Variants in DNAH7 observed in about 807,000 individuals in gnomAD.
The protein encoded by DNAH7 is dynein axonemal heavy chain 7.
Under a neutral mutation model 444.6 loss-of-function variants are expected in DNAH7, and 397 were observed. The ratio of observed to expected loss-of-function variants is 0.89; its 90% CI spans 0.82 to 0.97. The LOEUF is 0.97. DNAH7 is among the 50% of genes least tolerant of loss of function. The pLI, the probability that DNAH7 is intolerant of heterozygous loss-of-function variation, is 0.00. For missense variants in DNAH7, 4,902 were observed against 4,800.8 expected, an observed-to-expected ratio of 1.02 and a Z score of -0.62; for synonymous variants, 1,636 against 1,624.4, an observed-to-expected ratio of 1.01 and a Z score of -0.17.
At chr2:195,834,759 C>A (rs1366193151) in intron 47 of DNAH7, among the ~76,000 whole-genome samples, 1 of 152,158 alleles carries the variant, frequency 6.6e-6, no homozygotes, top group Non-Finnish European at 1.5e-5. Context: ...TTGAGTAAGT[C>A]ACTTTGCTTC....
intron 24 of DNAH7, among the ~76,000 whole-genome samples, chr2:195,917,067 ACTC>A (rs1240694477): frequency 7.2e-6 from 1 of 138,870 alleles, no homozygotes; most frequent in Non-Finnish European, 1.5e-5. Flanking sequence ...GTGCCACGGC[ACTC>A]CAGCCTGGGC....
At chr2:195,745,613 G>A (rs557091305) in intron 63 of DNAH7, among the ~76,000 whole-genome samples, 15 of 152,316 alleles carry the variant, frequency 9.8e-5, no homozygotes, top group South Asian at 4.1e-4. Flanking sequence ...GACAAAGGTC[G>A]GGTTACCCAC....
intron 42 of DNAH7, among the ~76,000 whole-genome samples, chr2:195,860,628 T>C (rs1316824499): frequency 6.6e-6 from 1 of 152,096 alleles, no homozygotes; most frequent in Non-Finnish European, 1.5e-5. Flanking sequence ...CCAGGTAGCA[T>C]GCTGCCCAAT....
chr2:195,777,977 C>T lies in DNAH7; in HGVS notation c.10887G>A (p.Pro3629=), dbSNP rs780622799. Reference sequence around the variant, plus strand: ...CAGTCATGTACCGCAGAGCCTCATACGGCAGTTCCTAAAATAGTGCGTGTC... The same window carrying T: ...CAGTCATGTACCGCAGAGCCTCATATGGCAGTTCCTAAAATAGTGCGTGTC... The part of the protein sequence containing the change: ...HMFLNQYEEL[P]YEALRYMTGE... The change falls in exon 59 of 65, where the codon CCG becomes CCA. Residue 3629 remains proline (P), a synonymous_variant. Coordinates refer to ENST00000312428, the MANE Select transcript of DNAH7 (RefSeq NM_018897.3). 29 of 1,609,556 alleles carry T rather than the reference C, an allele frequency of 1.8e-5. No individual in the cohort carries two copies. The highest frequency in any genetic ancestry group is 2.2e-5 in the East Asian group (1 of 44,750).
chr2:195,931,235 G>A (rs945588365), intron 21 of DNAH7, among the ~76,000 whole-genome samples: 13 of 152,130 alleles, frequency 8.5e-5, no homozygotes, highest in Non-Finnish European at 1.3e-4. Context: ...CTTTTGAGAA[G>A]TGTCTGTTCA....
intron 49 of DNAH7, among the ~76,000 whole-genome samples, chr2:195,821,962 G>A (rs1261358005): frequency 6.6e-6 from 1 of 152,080 alleles, no homozygotes; most frequent in African/African-American, 2.4e-5. Context: ...CCCTCCTTCC[G>A]CCCACACCTA....
chr2:195,781,352 T>C (rs995800145), intron 58 of DNAH7, among the ~76,000 whole-genome samples: 1 of 152,186 alleles, frequency 6.6e-6, no homozygotes, highest in Admixed American at 6.5e-5. Flanking sequence ...GAGAATTTCA[T>C]AAGGGTTAAA....
In DNAH7 at chr2:196,047,391, T is replaced by C. The variant is rs756703866; in HGVS notation, c.359A>G (p.Glu120Gly). ...SKSKGKSPHK[E>G]RENFRSTLVN... is the part of the protein sequence containing the mutation. ...AAGAGTACTTCTAAAGTTTTCTCGT[T>C]CTTTATGTGGAGATTTGCCCTTTGA... is the stretch of plus-strand genomic sequence containing the variant. Residue 120 changes from glutamate (E) to glycine (G), a missense_variant, in exon 5 of 65, where the codon GAA becomes GGA. By Grantham distance (98) the Glu-to-Gly change is moderately conservative. Coordinates refer to ENST00000312428, the MANE Select transcript of DNAH7 (RefSeq NM_018897.3). 14 of 1,600,160 alleles carry C rather than the reference T, an allele frequency of 8.7e-6. No individual in the cohort carries two copies. The highest frequency in any genetic ancestry group is 1.2e-5 in the Non-Finnish European group (14 of 1,172,342).
chr2:195,770,568 G>A (rs1248494690), intron 61 of DNAH7, among the ~76,000 whole-genome samples: 3 of 151,938 alleles, frequency 2.0e-5, no homozygotes, highest in African/African-American at 7.3e-5. Context: ...AACGTTCCAT[G>A]GATTGCCCCT....
chr2:195,932,868 G>A (rs562222883), intron 21 of DNAH7, among the ~76,000 whole-genome samples: 2 of 152,238 alleles, frequency 1.3e-5, no homozygotes, highest in African/African-American at 4.8e-5. Flanking sequence ...AGGGATATTG[G>A]TCTAAAATTC....
intron 9 of DNAH7, among the ~76,000 whole-genome samples, chr2:196,017,588 A>G (rs960113421): frequency 6.6e-5 from 10 of 152,042 alleles, no homozygotes; most frequent in African/African-American, 2.4e-4. Context: ...AGAGATTCAA[A>G]TATTACAAGA....
chr2:195,874,855 C>T (rs1700954394), intron 38 of DNAH7, among the ~76,000 whole-genome samples: 1 of 151,974 alleles, frequency 6.6e-6, no homozygotes, highest in African/African-American at 2.4e-5. Flanking sequence ...CAAAATGGCC[C>T]AGGGAATGTG....
At chr2:195,900,582 A>G in intron 27 of DNAH7, 88 bp from the exon 28 acceptor site, 1 of 1,236,328 alleles carries the variant, frequency 8.1e-7, no homozygotes, top group East Asian at 2.3e-5. Flanking sequence ...TCTCACTAAT[A>G]TGTGGAGGCT....
At chr2:195,756,810 G>C (rs1694094687) in intron 61 of DNAH7, among the ~76,000 whole-genome samples, 1 of 151,956 alleles carries the variant, frequency 6.6e-6, no homozygotes, top group Non-Finnish European at 1.5e-5. Flanking sequence ...TGGGCCACAT[G>C]GCGAAACCTC....
intron 5 of DNAH7, among the ~76,000 whole-genome samples, chr2:196,032,363 T>G (rs2125799713): frequency 6.6e-6 from 1 of 152,158 alleles, no homozygotes; most frequent in East Asian, 1.9e-4. Flanking sequence ...CGAAACAGTT[T>G]AAAACACCAC....
rs775516693 is a variant in DNAH7, at chr2:195,864,959, G to A, written c.6696C>T (p.Tyr2232=). ...TGTAGTTTCTCAAAATTTCTTGAAT[G>A]TAGTTGATGAGCCAGCTTCTGTCTG... is the stretch of plus-strand genomic sequence containing the variant. The part of the protein sequence containing the change: ...DNTDRSWLIN[Y]IQEILRNYMY... The change falls in exon 41 of 65, where the codon TAC becomes TAT. Residue 2232 remains tyrosine (Y), a synonymous_variant. Transcript: ENST00000312428. The A allele has an allele frequency of 4.4e-6, 7 of 1,608,142 alleles. No individual in the cohort carries two copies. Among genetic ancestry groups the A allele is most frequent in the Admixed American group, 3.3e-5 (2 of 60,012 alleles).
Position 195,737,788 on chromosome 2 carries a change from ATAAG to A in DNAH7, c.*129_*132del. 5.3e-6 allele frequency: 4 copies of A among 753,738 alleles called. No individual in the cohort carries two copies. The highest frequency in any genetic ancestry group is 8.4e-6 in the Non-Finnish European group (4 of 475,288). 46.7% of individuals were successfully genotyped at this position (753,738 alleles called of 1,614,324 possible). A position where few individuals can be genotyped will look rare whatever the true frequency, so the allele number is the denominator to read the frequency against. ...ATATTAAGTTTAGCTGCATTTGCTC[ATAAG>A]TAAATTCATAATTATAACTTTAGTC... On this transcript the variant is annotated 3_prime_UTR_variant, in exon 65 of 65. Transcript: ENST00000312428.
At chr2:196,021,439 A>G (rs933105621) in intron 8 of DNAH7, among the ~76,000 whole-genome samples, 1 of 152,192 alleles carries the variant, frequency 6.6e-6, no homozygotes. Flanking sequence ...AGCACGTCAC[A>G]CAAATTTTTG....
chr2:195,917,807 A>G (rs1440325569), intron 24 of DNAH7, among the ~76,000 whole-genome samples: 1 of 152,162 alleles, frequency 6.6e-6, no homozygotes, highest in East Asian at 1.9e-4. Context: ...GGTGTGCACC[A>G]CCATACTTGA....
Sources: allele counts gnomAD v4.1 joint callset (sites outside exome capture counted in the v4.1 genomes callset), GRCh38; gene constraint gnomAD v4.1.1; transcripts MANE v1.5; gene names NCBI Gene and HGNC (gene_info 2026-07-23, HGNC 2026-07-21).